The following ATP6V0D2 variants were observed in gnomAD, a reference collection of about 807,000 sequenced individuals.
The protein encoded by ATP6V0D2 is ATPase H+ transporting V0 subunit d2, also known as V-type proton ATPase subunit d 2.
Under a neutral mutation model 40.0 loss-of-function variants are expected in ATP6V0D2, and 40 were observed. That is an observed-to-expected ratio of 1.00 (90% CI 0.78 to 1.30). The LOEUF (loss-of-function observed/expected upper bound fraction) is 1.30. ATP6V0D2 is among the 50% of genes most tolerant of loss of function. ATP6V0D2 has a pLI of 0.00. For synonymous variants in ATP6V0D2, 179 were observed against 156.3 expected (o/e 1.15, Z -1.08); for missense variants, 470 against 423.1 (o/e 1.11, Z -0.97).
In ATP6V0D2 at chr8:86,151,824, C is replaced by T. The variant is rs59369794; in HGVS notation, c.891+284C>T. Among the ~76,000 whole-genome samples the T allele has an allele frequency of 0.13, 18,559 of 147,446 alleles. 1,276 individuals carry two copies. The highest frequency in any genetic ancestry group is 0.16 in the Non-Finnish European group (10,524 of 67,260). On this transcript the variant is annotated intron_variant, in intron 7 of 7. Coordinates refer to ENST00000285393, the MANE Select transcript of ATP6V0D2 (RefSeq NM_152565.1). ...AAAACTGCGAGAAGTAATGGAAGTA[C>T]ATTCAATTCCTCATGGAATTTGCTG...
At chr8:86,132,154 T>C (rs1462737366) in intron 2 of ATP6V0D2, among the ~76,000 whole-genome samples, 1 of 152,202 alleles carries the variant, frequency 6.6e-6, no homozygotes, top group Non-Finnish European at 1.5e-5. Context: ...TAAAAAGCTT[T>C]AGGGCACTAA....
chr8:86,125,020 A>G (rs1818721657), intron 2 of ATP6V0D2, among the ~76,000 whole-genome samples: 1 of 152,196 alleles, frequency 6.6e-6, no homozygotes, highest in African/African-American at 2.4e-5. Context: ...TAAGGCTTGA[A>G]AGGCTAAGCG....
At chr8:86,121,981 A>C (rs1818677314) in intron 2 of ATP6V0D2, among the ~76,000 whole-genome samples, 4 of 152,246 alleles carry the variant, frequency 2.6e-5, no homozygotes, top group Admixed American at 2.6e-4. Flanking sequence ...TTAAATACTT[A>C]ATAGCAGGAA....
At chr8:86,148,158 T>C (rs2626343) in intron 5 of ATP6V0D2, among the ~76,000 whole-genome samples, 65,470 of 151,956 alleles carry the variant, frequency 0.43, 15,880 homozygotes, top group Middle Eastern at 0.59. Flanking sequence ...CTATGACAAT[T>C]ACCTCCATTG....
At chr8:86,123,670 A>G (rs940790061) in intron 2 of ATP6V0D2, among the ~76,000 whole-genome samples, 1 of 152,192 alleles carries the variant, frequency 6.6e-6, no homozygotes, top group Admixed American at 6.6e-5. Context: ...TAAGTTAAGG[A>G]AAGAAAGGAT....
intron 1 of ATP6V0D2, 67 bp from the exon 2 acceptor site, chr8:86,113,642 T>C (rs1818553934): frequency 7.4e-7 from 1 of 1,358,496 alleles, no homozygotes; most frequent in African/African-American, 1.5e-5. Context: ...TGAATTCAAC[T>C]AATGTTGAAA....
chr8:86,145,076 G>T (rs564220984), intron 5 of ATP6V0D2, among the ~76,000 whole-genome samples: 13 of 151,402 alleles, frequency 8.6e-5, no homozygotes, highest in African/African-American at 3.2e-4. Context: ...GGCACAGGAG[G>T]TGTGAAGGTT....
rs1819177936 is a variant in ATP6V0D2, at chr8:86,152,974, A to G, written c.1050A>G (p.Leu350=). ...RTKINSYIPI[L] ...AAATCAACAGTTACATTCCAATTTT[A>G]TAACCCAAGTAAGGTTCTCAAATGT... Residue 350 remains leucine, a synonymous_variant, in exon 8 of 8, where the codon TTA becomes TTG. Transcript: ENST00000285393. 1.3e-6 allele frequency: 2 copies of G among 1,598,396 alleles called. No individual in the cohort carries two copies. Among genetic ancestry groups the G allele is most frequent in the Admixed American group, 1.8e-5 (1 of 56,308 alleles).
chr8:86,138,597 T>C (rs908905418), intron 2 of ATP6V0D2, among the ~76,000 whole-genome samples: 5 of 152,190 alleles, frequency 3.3e-5, no homozygotes, highest in Non-Finnish European at 7.3e-5. Context: ...TATGAATTAA[T>C]AAACTCGGGG....
rs1258854123 is a variant in ATP6V0D2, at chr8:86,136,752, G to A, written c.303-2705G>A. On this transcript the variant is annotated intron_variant, in intron 2 of 7. Coordinates refer to ENST00000285393, the MANE Select transcript of ATP6V0D2 (RefSeq NM_152565.1). ...CAACCAGAAACGAATTCCCTGCCCA[G>A]GAAGTCTGTACCCCATGCAGCCAGA... is the stretch of plus-strand genomic sequence containing the variant. Among the ~76,000 whole-genome samples, 27 of 152,126 alleles carry A rather than the reference G, an allele frequency of 1.8e-4. 1 individual carries two copies. The highest frequency in any genetic ancestry group is 1.7e-3 in the Admixed American group (26 of 15,278).
rs1819177717 is a variant in ATP6V0D2, at chr8:86,152,955, A to G, written c.1031A>G (p.Asn344Ser). 2 of 1,605,482 alleles carry G rather than the reference A, an allele frequency of 1.2e-6. No individual in the cohort carries two copies. Among genetic ancestry groups the G allele is most frequent in the African/African-American group, 2.7e-5 (2 of 74,702 alleles). The change falls in exon 8 of 8, where the codon AAC becomes AGC. Residue 344 changes from asparagine to serine, a missense_variant. Physicochemically the swap from Asn to Ser is conservative, Grantham distance 46. Coordinates refer to ENST00000285393, the MANE Select transcript of ATP6V0D2 (RefSeq NM_152565.1). ...TCACAGAGGCATCGAACTAAAATCA[A>G]CAGTTACATTCCAATTTTATAACCC... ...CISQRHRTKI[N>S]SYIPIL
At chr8:86,120,219 C>G (rs4960957) in intron 2 of ATP6V0D2, among the ~76,000 whole-genome samples, 127,952 of 152,136 alleles carry the variant, frequency 0.84, 53,987 homozygotes, top group African/African-American at 0.88. Flanking sequence ...AACATAGTGA[C>G]ACCCTGTCTC....
intron 2 of ATP6V0D2, among the ~76,000 whole-genome samples, chr8:86,119,756 G>A (rs1276396553): frequency 6.6e-6 from 1 of 152,142 alleles, no homozygotes. Context: ...ATTAGAATTG[G>A]AAAGGTGGTT....
intron 1 of ATP6V0D2, among the ~76,000 whole-genome samples, chr8:86,102,173 C>T (rs927985236): frequency 6.6e-6 from 1 of 152,074 alleles, no homozygotes; most frequent in Non-Finnish European, 1.5e-5. Flanking sequence ...AGTTGATGTC[C>T]ACTCCATTTT....
chr8:86,128,140 G>A (rs111985282), intron 2 of ATP6V0D2, among the ~76,000 whole-genome samples: 75 of 152,110 alleles, frequency 4.9e-4, no homozygotes, highest in Middle Eastern at 3.4e-3. Context: ...AGGCTGAGGC[G>A]GGCAGAGACC....
At chr8:86,131,948 A>G (rs1260333361) in intron 2 of ATP6V0D2, among the ~76,000 whole-genome samples, 1 of 152,208 alleles carries the variant, frequency 6.6e-6, no homozygotes, top group East Asian at 1.9e-4. Context: ...GATGCTTTCC[A>G]AGGGTTATGG....
intron 2 of ATP6V0D2, among the ~76,000 whole-genome samples, chr8:86,115,745 A>G (rs998944899): frequency 4.6e-5 from 7 of 152,172 alleles, no homozygotes; most frequent in African/African-American, 1.7e-4. Context: ...AATGGAACTA[A>G]GAATATCCAA....
rs1282541362 is a variant in ATP6V0D2 at position 86,098,923 on chromosome 8, G to C, written c.-56G>C. On this transcript the variant is annotated 5_prime_UTR_variant, in exon 1 of 8. Coordinates refer to ENST00000285393, the MANE Select transcript of ATP6V0D2 (RefSeq NM_152565.1). Reference sequence around the variant, plus strand: ...TCCCAGGCTAGTGCAAATCTTCAGGGGCCGTCCAGGACTACAGAGCTGTTT... The same window carrying C: ...TCCCAGGCTAGTGCAAATCTTCAGGCGCCGTCCAGGACTACAGAGCTGTTT... The C allele has an allele frequency of 6.4e-7, 1 of 1,568,884 alleles. No individual in the cohort carries two copies. Among genetic ancestry groups the C allele is most frequent in the African/African-American group, 1.4e-5 (1 of 73,064 alleles).
chr8:86,119,814 C>A (rs1232441261), intron 2 of ATP6V0D2, among the ~76,000 whole-genome samples: 1 of 152,132 alleles, frequency 6.6e-6, no homozygotes, highest in Non-Finnish European at 1.5e-5. Context: ...AATTTATCTA[C>A]TCTTCCTATT....
Sources: allele counts gnomAD v4.1 joint callset (sites outside exome capture counted in the v4.1 genomes callset), GRCh38; gene constraint gnomAD v4.1.1; transcripts MANE v1.5; gene names NCBI Gene and HGNC (gene_info 2026-07-23, HGNC 2026-07-21).